STAM: variants seen among roughly 807,000 people sequenced by gnomAD.
STAM encodes signal transducing adaptor molecule, also known as signal transducing adapter molecule 1.
A neutral mutation model predicts 63.4 loss-of-function variants in STAM; 16 were observed. That is an observed-to-expected ratio of 0.25 (90% CI 0.17 to 0.38). STAM has a LOEUF of 0.38. STAM is among the 10% of genes least tolerant of loss of function. The pLI, the probability that STAM is intolerant of heterozygous loss-of-function variation, is 1.00. For synonymous variants in STAM, 238 were observed against 223.9 expected, an observed-to-expected ratio of 1.06 and a Z score of -0.56; for missense variants, 636 against 657.1, an observed-to-expected ratio of 0.97 and a Z score of 0.35.
At chr10:17,693,534 A>G (rs1407275331) in intron 6 of STAM, among the ~76,000 whole-genome samples, 1 of 152,204 alleles carries the variant, frequency 6.6e-6, no homozygotes, top group Non-Finnish European at 1.5e-5. Flanking sequence ...GTATCCAAAA[A>G]CAATATCAAG....
Position 17,714,769 on chromosome 10 carries a change from G to C in STAM, c.1612G>C (p.Ala538Pro). 6.2e-7 allele frequency: 1 copy of C among 1,613,992 alleles called. No homozygotes were observed. The highest frequency in any genetic ancestry group is 8.5e-7 in the Non-Finnish European group (1 of 1,179,978). The change falls in exon 14 of 14, where the codon GCT (alanine) becomes CCT (proline). Residue 538 changes from alanine (A) to proline (P), a missense_variant. Ala to Pro is a conservative substitution (Grantham distance 27). This residue lies in a region of STAM where 532 missense variants were observed against 536.9 expected (regional missense o/e 0.99). Transcript: ENST00000377524. ...GCCACAGCAACCATATTCTCAGAAG[G>C]CTCTGCTATAGGACCCGGTGTTCCT... ...PQPQQPYSQK[A>P]LL
chr10:17,650,749 C>T (rs1475359733), intron 1 of STAM, among the ~76,000 whole-genome samples: 3 of 152,026 alleles, frequency 2.0e-5, no homozygotes, highest in African/African-American at 4.8e-5. Flanking sequence ...TGTGAATGTA[C>T]GCGTGGCCCC....
intron 2 of STAM, among the ~76,000 whole-genome samples, chr10:17,669,884 CTTT>C (rs76381388): frequency 2.5e-5 from 3 of 120,754 alleles, no homozygotes; most frequent in Admixed American, 9.3e-5. Flanking sequence ...CTTTTCTTTT[CTTT>C]TTTTTTTTTT....
At chr10:17,708,021 G>C (rs1398010414) in intron 12 of STAM, among the ~76,000 whole-genome samples, 2 of 152,050 alleles carry the variant, frequency 1.3e-5, no homozygotes, top group Non-Finnish European at 2.9e-5. Flanking sequence ...CTCCCGAGTA[G>C]CTGGGACTGC....
intron 2 of STAM, among the ~76,000 whole-genome samples, chr10:17,662,577 G>T (rs1554823012): frequency 6.6e-6 from 1 of 152,184 alleles, no homozygotes; most frequent in Non-Finnish European, 1.5e-5. Context: ...AACTTCTGTT[G>T]CACATGGGAA....
chr10:17,704,907 A>G (rs1836186353), intron 10 of STAM, 63 bp from the exon 11 acceptor site: 1 of 1,322,582 alleles, frequency 7.6e-7, no homozygotes, highest in Non-Finnish European at 1.1e-6. Flanking sequence ...ACAAATATCT[A>G]TCAAAGGTTC....
At chr10:17,667,438 T>A (rs564049733) in intron 2 of STAM, among the ~76,000 whole-genome samples, 1 of 152,298 alleles carries the variant, frequency 6.6e-6, no homozygotes, top group African/African-American at 2.4e-5. Context: ...ATTTTTTTTT[T>A]AAAACGTGAT....
At chr10:17,701,835 A>G (rs1380871457) in intron 9 of STAM, among the ~76,000 whole-genome samples, 1 of 152,172 alleles carries the variant, frequency 6.6e-6, no homozygotes, top group Non-Finnish European at 1.5e-5. Context: ...AAGAATTACC[A>G]GGGATGATTT....
intron 9 of STAM, among the ~76,000 whole-genome samples, chr10:17,701,672 T>G (rs1836003161): frequency 6.6e-6 from 1 of 152,338 alleles, no homozygotes; most frequent in East Asian, 1.9e-4. Flanking sequence ...TAGCATTCTT[T>G]CCTAAAATTG....
intron 1 of STAM, among the ~76,000 whole-genome samples, chr10:17,659,437 G>A (rs1333922134): frequency 8.1e-5 from 12 of 147,872 alleles, no homozygotes; most frequent in African/African-American, 3.0e-4. Flanking sequence ...TTTTATCTTC[G>A]GGTATTCCAT....
At chr10:17,646,026 G>T (rs1488749506) in intron 1 of STAM, among the ~76,000 whole-genome samples, 2 of 152,156 alleles carry the variant, frequency 1.3e-5, no homozygotes, top group African/African-American at 2.4e-5. Context: ...CCCGTTCCTA[G>T]TAGCTGTACC....
chr10:17,702,279 T>A (rs1323139049), intron 9 of STAM, among the ~76,000 whole-genome samples: 1 of 152,142 alleles, frequency 6.6e-6, no homozygotes, highest in African/African-American at 2.4e-5. Flanking sequence ...TGCAAAGAAA[T>A]CCCATATGGT....
At chr10:17,677,977 C>T (rs1409020460) in intron 2 of STAM, among the ~76,000 whole-genome samples, 2 of 152,094 alleles carry the variant, frequency 1.3e-5, no homozygotes, top group Non-Finnish European at 2.9e-5. Context: ...TTTATAAATA[C>T]ATATATATTT....
chr10:17,713,139 G>A (rs1177825382), intron 13 of STAM, among the ~76,000 whole-genome samples: 1 of 152,102 alleles, frequency 6.6e-6, no homozygotes, highest in Non-Finnish European at 1.5e-5. Flanking sequence ...TTCACTTGCT[G>A]GTGACCATTC....
intron 2 of STAM, among the ~76,000 whole-genome samples, chr10:17,670,601 G>A (rs933442159): frequency 6.6e-6 from 1 of 151,992 alleles, no homozygotes; most frequent in African/African-American, 2.4e-5. Context: ...AGTGTTACAT[G>A]GTCTAGAAAA....
intron 13 of STAM, among the ~76,000 whole-genome samples, chr10:17,712,004 T>C (rs1309362792): frequency 9.2e-5 from 14 of 152,180 alleles, no homozygotes; most frequent in Admixed American, 9.2e-4. Context: ...TTGGGTGACA[T>C]GGTTGGGAGA....
intron 7 of STAM, chr10:17,696,466 A>G (rs1016320260): frequency 3.7e-5 from 9 of 243,700 alleles, no homozygotes; most frequent in African/African-American, 1.8e-4. Context: ...AAGACTTCTT[A>G]CTCTGGAGCC....
chr10:17,654,801 CTTG>C (rs1833876909), intron 1 of STAM, among the ~76,000 whole-genome samples: 1 of 152,104 alleles, frequency 6.6e-6, no homozygotes, highest in Non-Finnish European at 1.5e-5. Flanking sequence ...AAGTCTAGGT[CTTG>C]TTGTTTTATT....
intron 9 of STAM, among the ~76,000 whole-genome samples, chr10:17,702,767 C>T (rs191354335): frequency 2.4e-4 from 36 of 152,086 alleles, no homozygotes; most frequent in Admixed American, 4.6e-4. Context: ...CCCAGCACTT[C>T]GGGAGGCCGA....
Sources: allele counts gnomAD v4.1 joint callset (sites outside exome capture counted in the v4.1 genomes callset), GRCh38; gene constraint gnomAD v4.1.1; regional missense constraint gnomAD v4.1.1; transcripts MANE v1.5; gene names NCBI Gene and HGNC (gene_info 2026-07-23, HGNC 2026-07-21).